The following DHX35 variants were observed in gnomAD, a reference collection of about 807,000 sequenced individuals.
DHX35 encodes probable ATP-dependent RNA helicase DHX35.
In DHX35, 84 loss-of-function variants were observed where a neutral mutation model predicts 99.6. The observed-to-expected ratio is 0.84, with a 90% CI of 0.71 to 1.01. The LOEUF (loss-of-function observed/expected upper bound fraction) is 1.01, where lower values mean the gene tolerates loss of function less well. Ranked by LOEUF, DHX35 falls within the 50% of genes least tolerant of loss-of-function variation. The pLI is 0.00. For missense variants in DHX35, 852 were observed against 888.5 expected, an observed-to-expected ratio of 0.96 and a Z score of 0.52; for synonymous variants, 331 against 316.2, an observed-to-expected ratio of 1.05 and a Z score of -0.50.
At chr20:38,991,702 C>G (rs1437676889) in intron 6 of DHX35, among the ~76,000 whole-genome samples, 187 bp downstream of exon 6, 4 of 152,156 alleles carry the variant, frequency 2.6e-5, no homozygotes, top group African/African-American at 9.7e-5. Flanking sequence ...TTTACAGACA[C>G]TCAAAAATGG....
At chr20:38,962,833 G>T (rs2085855441) in intron 1 of DHX35, 1 of 195,756 alleles carries the variant, frequency 5.1e-6, no homozygotes, top group African/African-American at 2.4e-5. Flanking sequence ...TCGAATTTTC[G>T]TCTCTGCCTT....
At chr20:39,028,558 C>T in intron 19 of DHX35, 59 bp downstream of exon 19, 1 of 1,547,966 alleles carries the variant, frequency 6.5e-7, no homozygotes, top group South Asian at 1.1e-5. Flanking sequence ...ATGACCCAAA[C>T]CCCACAGAAA....
intron 4 of DHX35, among the ~76,000 whole-genome samples, chr20:38,988,183 A>G (rs931028387): frequency 6.6e-6 from 1 of 152,066 alleles, no homozygotes; most frequent in Non-Finnish European, 1.5e-5. Context: ...TGGCATATCT[A>G]TGTTTAACAT....
intron 12 of DHX35, 108 bp downstream of exon 12, chr20:39,006,464 C>A (rs1460930547): frequency 4.1e-6 from 5 of 1,209,702 alleles, no homozygotes; most frequent in African/African-American, 1.5e-5. Context: ...AAAATACAGG[C>A]CTTCCTCACA....
chr20:39,015,563 T>C (rs1313953038), intron 14 of DHX35, among the ~76,000 whole-genome samples: 3 of 152,252 alleles, frequency 2.0e-5, no homozygotes, highest in African/African-American at 7.2e-5. Context: ...TGGGGAGTAC[T>C]GTTTCTTCTG....
At chr20:39,034,133 A>C in intron 20 of DHX35, 73 bp from the exon 21 acceptor site, 6 of 1,097,996 alleles carry the variant, frequency 5.5e-6, no homozygotes, top group Non-Finnish European at 8.3e-6. Context: ...TAAAGGAAAC[A>C]GCATGTCTAC....
rs373822121 is a variant in DHX35, at chr20:38,978,403, G to A, written c.268-5296G>A. ...CTGGGGCCTCACAGGGCTCATGTCCGTGTCCATCACATCTTTCATGGGGTG... is the reference window on the plus strand; with the variant it reads ...CTGGGGCCTCACAGGGCTCATGTCCATGTCCATCACATCTTTCATGGGGTG... On this transcript the variant is annotated intron_variant, in intron 3 of 21. Coordinates refer to ENST00000252011, the MANE Select transcript of DHX35 (RefSeq NM_021931.4). 6.0e-4 allele frequency: 405 copies of A among 671,926 alleles called. 5 individuals are homozygous for A. The Middle Eastern group carries it at 7.7e-3, about 13-fold the overall frequency. 41.6% of individuals were successfully genotyped at this position (671,926 alleles called of 1,614,324 possible). A position where few individuals can be genotyped will look rare whatever the true frequency, so the allele number is the denominator to read the frequency against.
At chr20:38,984,152 T>G (rs1444325360) in intron 4 of DHX35, among the ~76,000 whole-genome samples, 1 of 152,064 alleles carries the variant, frequency 6.6e-6, no homozygotes, top group Non-Finnish European at 1.5e-5. Flanking sequence ...TCTTGTGATC[T>G]GCCTGCCTCA....
chr20:39,004,592 A>T (rs2086583009), intron 11 of DHX35, among the ~76,000 whole-genome samples: 1 of 152,206 alleles, frequency 6.6e-6, no homozygotes, highest in Admixed American at 6.5e-5. Flanking sequence ...TGCCTATTTT[A>T]AAGGGCCAAG....
intron 1 of DHX35, among the ~76,000 whole-genome samples, chr20:38,963,192 G>A (rs930373141): frequency 1.3e-5 from 2 of 152,086 alleles, no homozygotes; most frequent in African/African-American, 2.4e-5. Flanking sequence ...ATGCCAGACC[G>A]TACTAGATGC....
intron 3 of DHX35, chr20:38,978,036 C>T (rs1568719134): frequency 1.4e-6 from 1 of 736,990 alleles, no homozygotes; most frequent in East Asian, 2.5e-5. Flanking sequence ...CATCTTCTTC[C>T]TCTTCATCTT....
intron 2 of DHX35, among the ~76,000 whole-genome samples, chr20:38,971,976 T>C (rs2086003473): frequency 6.6e-6 from 1 of 151,140 alleles, no homozygotes; most frequent in African/African-American, 2.4e-5. Context: ...AGTATGTCTA[T>C]AATTTCTTGT....
intron 3 of DHX35, chr20:38,978,280 C>G (rs2086114349): frequency 3.9e-6 from 3 of 767,928 alleles, no homozygotes; most frequent in Non-Finnish European, 7.1e-6. Context: ...AGCCCCTGAG[C>G]TGACCGTTCT....
chr20:38,989,881 A>G (rs1479406612), intron 5 of DHX35, among the ~76,000 whole-genome samples: 1 of 152,226 alleles, frequency 6.6e-6, no homozygotes, highest in African/African-American at 2.4e-5. Context: ...AGACAGTGCA[A>G]TAAAACAGTG....
intron 5 of DHX35, among the ~76,000 whole-genome samples, chr20:38,989,550 C>G (rs1348530703): frequency 6.6e-6 from 1 of 152,020 alleles, no homozygotes; most frequent in Non-Finnish European, 1.5e-5. Flanking sequence ...ATATGCCAAT[C>G]AGTGATAGGA....
At chr20:39,008,812 C>CCCAACAGATCCTCCTTGT (rs2086657161) in intron 12 of DHX35, among the ~76,000 whole-genome samples, 1 of 152,212 alleles carries the variant, frequency 6.6e-6, no homozygotes, top group South Asian at 2.1e-4. Context: ...TTCCTCTTTG[C>CCCAACAGATCCTCCTTGT]CCAACAGATC....
At chr20:39,012,273 A>G (rs1345199747) in intron 13 of DHX35, among the ~76,000 whole-genome samples, 3 of 152,162 alleles carry the variant, frequency 2.0e-5, no homozygotes, top group South Asian at 2.1e-4. Context: ...GATAAACAGT[A>G]TGTGCTGATT....
At position 38,980,343 on chromosome 20, in the gene DHX35, T is replaced by G. The variant is rs186837827; in HGVS notation, c.268-3356T>G. On this transcript the variant is annotated intron_variant, in intron 3 of 21. Coordinates refer to ENST00000252011, the MANE Select transcript of DHX35 (RefSeq NM_021931.4). ...ATTTTTATTTGTTTCCTTGGACAAA[T>G]TATGTGGCCTCTTTGTTTCCTCATC... is the stretch of plus-strand genomic sequence containing the variant. 1.7e-3 allele frequency among the ~76,000 whole-genome samples: 264 copies of G among 152,316 alleles called. 2 individuals are homozygous for G. Among genetic ancestry groups the G allele is most frequent in the Non-Finnish European group, 1.1e-3 (76 of 68,018 alleles).
intron 14 of DHX35, among the ~76,000 whole-genome samples, chr20:39,016,176 C>T (rs1382953133): frequency 6.6e-6 from 1 of 152,152 alleles, no homozygotes; most frequent in African/African-American, 2.4e-5. Flanking sequence ...GCAGAGATCA[C>T]ATGGCAAGAG....
Sources: allele counts gnomAD v4.1 joint callset (sites outside exome capture counted in the v4.1 genomes callset), GRCh38; gene constraint gnomAD v4.1.1; transcripts MANE v1.5; gene names NCBI Gene and HGNC (gene_info 2026-07-23, HGNC 2026-07-21).